DUX4: variants seen among roughly 807,000 people sequenced by gnomAD.
DUX4 encodes the protein double homeobox protein 4.
chr4:190,177,170 G>T (rs1579832489), downstream of DUX4, among the ~76,000 whole-genome samples: 1,066 of 129,902 alleles, frequency 8.2e-3, no homozygotes, highest in Non-Finnish European at 0.013. Context: ...TAGATGATCT[G>T]TGCAGAGCTA....
chr4:190,178,718 G>GTGTT (rs1742445831), downstream of DUX4, among the ~76,000 whole-genome samples: 1 of 150,572 alleles, frequency 6.6e-6, no homozygotes, highest in Non-Finnish European at 1.5e-5. Flanking sequence ...GAGCTTAGAT[G>GTGTT]AGTTACATCA....
chr4:190,177,097 A>T (rs1579832397), downstream of DUX4, among the ~76,000 whole-genome samples: 2 of 151,280 alleles, frequency 1.3e-5, no homozygotes, highest in Non-Finnish European at 3.0e-5. Context: ...CACCTGGGTG[A>T]TCAGTGCAGA....
At chr4:190,178,730 C>CTGGG (rs1742447019), downstream of DUX4, among the ~76,000 whole-genome samples, 1 of 147,714 alleles carries the variant, frequency 6.8e-6, no homozygotes, top group African/African-American at 2.4e-5. Context: ...GTTACATCAC[C>CTGGG]TGGGTGATCA....
At chr4:190,181,290 C>CCCAAATCCAA (rs1742561805) in intron 1 of DUX4, among the ~76,000 whole-genome samples, 1 of 108,672 alleles carries the variant, frequency 9.2e-6, no homozygotes, top group African/African-American at 3.7e-5. Context: ...GTGACAATGC[C>CCCAAATCCAA]GCCAGTAGGC....
chr4:190,179,795 A>ACTG (rs1213740323), downstream of DUX4, among the ~76,000 whole-genome samples: 1 of 146,494 alleles, frequency 6.8e-6, no homozygotes. Context: ...CCCTGTAGGC[A>ACTG]AGCCTACACA....
downstream of DUX4, among the ~76,000 whole-genome samples, chr4:190,178,889 ATGTC>A (rs1742460914): frequency 2.0e-5 from 1 of 49,324 alleles, no homozygotes; most frequent in African/African-American, 8.2e-5. Flanking sequence ...GTGCAGATCT[ATGTC>A]ACAATGCCCC....
At chr4:190,176,191 G>A (rs1202597239), downstream of DUX4, among the ~76,000 whole-genome samples, 2 of 112,054 alleles carry the variant, frequency 1.8e-5, 1 homozygote, top group East Asian at 6.6e-4. Flanking sequence ...CTTGACAAGG[G>A]TTACATCACC....
At chr4:190,176,478 G>T (rs1372458611), downstream of DUX4, among the ~76,000 whole-genome samples, 523 of 108,378 alleles carry the variant, frequency 4.8e-3, 26 homozygotes, top group African/African-American at 0.013. Flanking sequence ...CATCACCTAG[G>T]TTATCAGTGC....
At chr4:190,178,285 TC>T (rs1742415419), downstream of DUX4, among the ~76,000 whole-genome samples, 1 of 109,128 alleles carries the variant, frequency 9.2e-6, no homozygotes, top group African/African-American at 3.2e-5. Context: ...TGTCACAATG[TC>T]CCCTGTAGGC....
At chr4:190,177,963 C>A (rs1579833544), downstream of DUX4, among the ~76,000 whole-genome samples, 1,256 of 63,706 alleles carry the variant, frequency 0.02, no homozygotes, top group Admixed American at 0.029. Flanking sequence ...AGAGCCTAGA[C>A]AAGAGTTACA....
intron 1 of DUX4, among the ~76,000 whole-genome samples, chr4:190,181,703 C>A (rs1742590649): frequency 1.3e-3 from 32 of 25,352 alleles, no homozygotes; most frequent in South Asian, 2.3e-3. Context: ...ACAATGCCCC[C>A]ATAGGCAGAT....
intron 1 of DUX4, among the ~76,000 whole-genome samples, chr4:190,182,351 A>ATTCGGATTCGGG (rs1553983719): frequency 0.039 from 2,449 of 62,092 alleles, 8 homozygotes; most frequent in East Asian, 0.22. Flanking sequence ...TCAAGTTTGG[A>ATTCGGATTCGGG]TTCGGGTTCA....
chr4:190,180,119 A>T (rs1742532234), downstream of DUX4, among the ~76,000 whole-genome samples: 62 of 113,986 alleles, frequency 5.4e-4, no homozygotes, highest in Non-Finnish European at 8.2e-4. Flanking sequence ...AATATGTGAC[A>T]ATGCCGCCAG....
chr4:190,176,135 G>A (rs1388525056), downstream of DUX4, among the ~76,000 whole-genome samples: 1 of 112,726 alleles, frequency 8.9e-6, no homozygotes, highest in African/African-American at 2.6e-5. Flanking sequence ...TCCCTCCCTG[G>A]GCTGATCAGT....
At chr4:190,179,588 G>T (rs1579835724), downstream of DUX4, among the ~76,000 whole-genome samples, 27 of 151,682 alleles carry the variant, frequency 1.8e-4, no homozygotes, top group East Asian at 3.9e-4. Context: ...ATGCTGTGTA[G>T]CCAGAGCCTA....
downstream of DUX4, among the ~76,000 whole-genome samples, chr4:190,179,446 C>A (rs1742493102): frequency 2.0e-5 from 3 of 151,282 alleles, no homozygotes; most frequent in Non-Finnish European, 1.5e-5. Context: ...TCACAAAGCA[C>A]CCTGTAAGCA....
At chr4:190,176,379 T>G (rs71271249), downstream of DUX4, among the ~76,000 whole-genome samples, 46 of 83,652 alleles carry the variant, frequency 5.5e-4, no homozygotes, top group African/African-American at 1.5e-3. Context: ...GCTCCTGTAG[T>G]CTGAACCTAG....
chr4:190,179,558 C>A (rs1742503474), downstream of DUX4, among the ~76,000 whole-genome samples: 5 of 151,908 alleles, frequency 3.3e-5, no homozygotes, highest in South Asian at 2.1e-4. Flanking sequence ...CCTGGGTGAT[C>A]AGTGCAGTGA....
chr4:190,176,108 A>G (rs1742292324), downstream of DUX4, among the ~76,000 whole-genome samples: 1 of 112,654 alleles, frequency 8.9e-6, no homozygotes, highest in South Asian at 3.2e-4. Flanking sequence ...TCCTGTAGGC[A>G]GAGTGTAGGC....
Sources: allele counts gnomAD v4.1 joint callset (sites outside exome capture counted in the v4.1 genomes callset), GRCh38; gene constraint gnomAD v4.1.1; transcripts MANE v1.5; gene names NCBI Gene and HGNC (gene_info 2026-07-23, HGNC 2026-07-21).